Variants in PRR5L observed in about 807,000 individuals in gnomAD.
PRR5L encodes the protein proline rich 5 like.
In PRR5L, 21 loss-of-function variants were observed where a neutral mutation model predicts 36.4. That is an observed-to-expected ratio of 0.58 (90% CI 0.41 to 0.83). PRR5L has a LOEUF of 0.83. PRR5L is among the 40% of genes least tolerant of loss of function. The pLI is 0.00. For synonymous variants in PRR5L, 188 were observed against 197.0 expected (o/e 0.95, Z 0.38); for missense variants, 381 against 473.3 (o/e 0.80, Z 1.81).
intron 8 of PRR5L, among the ~76,000 whole-genome samples, chr11:36,457,864 A>G (rs1371798878): frequency 6.6e-6 from 1 of 152,142 alleles, no homozygotes; most frequent in African/African-American, 2.4e-5. Flanking sequence ...TGAAGTGTGT[A>G]CTTCTATCAG....
intron 1 of PRR5L, among the ~76,000 whole-genome samples, chr11:36,315,192 T>G (rs994024397): frequency 2.0e-5 from 3 of 152,190 alleles, no homozygotes; most frequent in African/African-American, 7.2e-5. Flanking sequence ...AAAATGGGGA[T>G]AGTAATCATA....
rs969935389 is a variant in PRR5L, at chr11:36,461,345, G to A, written c.713-997G>A. Among the ~76,000 whole-genome samples, 11 of 152,138 alleles carry A rather than the reference G, an allele frequency of 7.2e-5. No homozygotes were observed. The East Asian group carries it at 7.7e-4, about 11-fold the overall frequency. ...GAATTCAAAAGCAGCAGTTTAGGCC[G>A]GACGTGGTGGCTCACACCTTTAATC... On this transcript the variant is annotated intron_variant, in intron 8 of 8. Transcript: ENST00000530639.
rs181399058 is a variant in PRR5L, at chr11:36,384,910, A to T, written c.-125-16087A>T. Among the ~76,000 whole-genome samples the T allele has an allele frequency of 7.3e-3, 1,087 of 149,420 alleles. 7 individuals are homozygous for T. Among genetic ancestry groups the T allele is most frequent in the Non-Finnish European group, 0.011 (764 of 67,590 alleles). ...GGTCTCAAACTCCTGGCCTAAAGGG[A>T]TTCTCCCACTTTGGCCTCCTAAATT... On this transcript the variant is annotated intron_variant, in intron 1 of 8. Coordinates refer to ENST00000530639, the MANE Select transcript of PRR5L (RefSeq NM_001160167.2).
intron 1 of PRR5L, among the ~76,000 whole-genome samples, chr11:36,378,155 T>C (rs1221673907): frequency 2.6e-5 from 4 of 151,878 alleles, no homozygotes; most frequent in Non-Finnish European, 5.9e-5. Context: ...TGCTCTGGGG[T>C]GGAAGGCGCT....
intron 1 of PRR5L, chr11:36,388,011 G>T (rs935543075): frequency 2.0e-5 from 3 of 152,194 alleles, no homozygotes; most frequent in Admixed American, 1.3e-4. Context: ...TTGAGTAATG[G>T]CTGCCTCCTT....
chr11:36,361,422 C>T (rs986102927), intron 1 of PRR5L, among the ~76,000 whole-genome samples: 4 of 151,946 alleles, frequency 2.6e-5, no homozygotes, highest in Non-Finnish European at 2.9e-5. Context: ...ATTTTTAAAT[C>T]GATTAATAAA....
chr11:36,445,913 A>G (rs1385656606), intron 6 of PRR5L, among the ~76,000 whole-genome samples: 1 of 152,126 alleles, frequency 6.6e-6, no homozygotes, highest in Non-Finnish European at 1.5e-5. Flanking sequence ...TATTTGTATG[A>G]TAGATGTTCA....
At chr11:36,363,013 T>C (rs777120521) in intron 1 of PRR5L, among the ~76,000 whole-genome samples, 27 of 152,332 alleles carry the variant, frequency 1.8e-4, no homozygotes, top group Non-Finnish European at 2.8e-4. Flanking sequence ...CGTTAAGTCG[T>C]GCACCCAGGT....
At chr11:36,323,482 C>G (rs1420277562) in intron 1 of PRR5L, 1 of 152,214 alleles carries the variant, frequency 6.6e-6, no homozygotes, top group Non-Finnish European at 1.5e-5. Context: ...AGCAGGCATG[C>G]TGCCTCCAAC....
intron 1 of PRR5L, among the ~76,000 whole-genome samples, chr11:36,396,592 G>A (rs1321839953): frequency 5.3e-5 from 8 of 152,134 alleles, no homozygotes; most frequent in Admixed American, 1.3e-4. Flanking sequence ...TTTATTGAAC[G>A]AGCTCTTATG....
chr11:36,360,315 T>TG (rs1233046229), intron 1 of PRR5L, among the ~76,000 whole-genome samples: 1 of 152,146 alleles, frequency 6.6e-6, no homozygotes, highest in African/African-American at 2.4e-5. Context: ...AACCATCAGT[T>TG]GCTAACAGTA....
At chr11:36,306,677 T>C (rs1314786085) in intron 1 of PRR5L, among the ~76,000 whole-genome samples, 1 of 152,150 alleles carries the variant, frequency 6.6e-6, no homozygotes, top group Non-Finnish European at 1.5e-5. Context: ...TAATAAAGGC[T>C]TTACCAATGC....
At chr11:36,306,241 C>A (rs1252804326) in intron 1 of PRR5L, among the ~76,000 whole-genome samples, 2 of 152,284 alleles carry the variant, frequency 1.3e-5, no homozygotes, top group Admixed American at 1.3e-4. Flanking sequence ...ATCCCTCCCC[C>A]AGCCCCCCAT....
At chr11:36,445,838 T>A (rs1239124067) in intron 6 of PRR5L, among the ~76,000 whole-genome samples, 2 of 152,210 alleles carry the variant, frequency 1.3e-5, no homozygotes, top group Non-Finnish European at 2.9e-5. Flanking sequence ...TACTTTCCTA[T>A]TTATTTTTCT....
chr11:36,371,340 A>G (rs987787264), intron 1 of PRR5L, among the ~76,000 whole-genome samples: 2 of 152,204 alleles, frequency 1.3e-5, no homozygotes, highest in Non-Finnish European at 2.9e-5. Context: ...TGCTGAGCAT[A>G]TTTCTCAAAT....
chr11:36,335,375 C>T (rs115949365), intron 1 of PRR5L, among the ~76,000 whole-genome samples: 1 of 149,656 alleles, frequency 6.7e-6, no homozygotes, highest in Non-Finnish European at 1.5e-5. Flanking sequence ...GAGTAGAAAC[C>T]TTTCTATAAA....
rs1394275813 is a variant in PRR5L at position 36,336,485 on chromosome 11, C to T, written c.-126+40047C>T. ...GTTCAAGTGATCTGCCTGCCTCTGC[C>T]TCCCAAAGTGCTGGGATTACAGGCT... On this transcript the variant is annotated intron_variant, in intron 1 of 8. Coordinates refer to ENST00000530639, the MANE Select transcript of PRR5L (RefSeq NM_001160167.2). Among the ~76,000 whole-genome samples the T allele has an allele frequency of 2.0e-5, 3 of 150,834 alleles. No individual in the cohort carries two copies. The East Asian group carries it at 5.8e-4, about 29-fold the overall frequency.
At chr11:36,302,395 A>C (rs777223396) in intron 1 of PRR5L, among the ~76,000 whole-genome samples, 3 of 152,194 alleles carry the variant, frequency 2.0e-5, no homozygotes, top group Non-Finnish European at 4.4e-5. Flanking sequence ...CAGAGTCACC[A>C]AGAGATGGGA....
chr11:36,401,863 T>C (rs1160611130), intron 2 of PRR5L, among the ~76,000 whole-genome samples: 1 of 152,226 alleles, frequency 6.6e-6, no homozygotes. Flanking sequence ...TGCACTGGAA[T>C]TTACGGTCAC....
Sources: gnomAD v4.1 joint callset for allele counts (sites outside exome capture counted in the v4.1 genomes callset) on GRCh38, gnomAD v4.1.1 for gene constraint, MANE v1.5 for transcripts, NCBI Gene and HGNC (gene_info 2026-07-23, HGNC 2026-07-21) for gene names.